ANKRD55: variants seen among roughly 807,000 people sequenced by gnomAD.
ANKRD55 encodes the protein ankyrin repeat domain-containing protein 55.
In ANKRD55, 41 loss-of-function variants were observed where a neutral mutation model predicts 60.6. That is an observed-to-expected ratio of 0.68 (90% confidence interval 0.53 to 0.88). The LOEUF is 0.88. Ranked by LOEUF, ANKRD55 falls within the 40% of genes least tolerant of loss-of-function variation. ANKRD55 has a pLI of 0.00. For synonymous variants in ANKRD55, 264 were observed against 290.3 expected (o/e 0.91, Z 0.92); for missense variants, 732 against 767.6 (o/e 0.95, Z 0.55).
chr5:56,110,667 A>G (rs927319566), intron 10 of ANKRD55: 3 of 185,846 alleles, frequency 1.6e-5, no homozygotes, highest in Non-Finnish European at 3.4e-5. Context: ...TTACCTTTCT[A>G]CATGTGTCCA....
Position 56,232,734 on chromosome 5 carries a change from C to T in ANKRD55, c.58+122G>A, listed in dbSNP as rs1760286856. 4.6e-6 allele frequency: 4 copies of T among 875,674 alleles called. No homozygotes were observed. The East Asian group carries it at 8.1e-5, about 18-fold the overall frequency. 54.2% of individuals were successfully genotyped at this position (875,674 alleles called of 1,614,324 possible). ...CTACATAGCAAATACTCATGCACAC[C>T]CACGCACATGAACACACACACACAC... On this transcript the variant is annotated intron_variant, in intron 2 of 11. Transcript: ENST00000341048.
At chr5:56,210,699 T>C (rs756384878) in intron 2 of ANKRD55, among the ~76,000 whole-genome samples, 23 of 152,272 alleles carry the variant, frequency 1.5e-4, no homozygotes, top group Admixed American at 5.2e-4. Context: ...TAAAAAAATA[T>C]CTTTTCAGCA....
At chr5:56,178,193 C>CTT (rs532357908) in intron 3 of ANKRD55, among the ~76,000 whole-genome samples, 11 of 143,044 alleles carry the variant, frequency 7.7e-5, no homozygotes, top group African/African-American at 1.8e-4. Context: ...TCTTTTCTTT[C>CTT]TTTTTTTTTT....
intron 2 of ANKRD55, among the ~76,000 whole-genome samples, chr5:56,191,261 CAG>C (rs1759087068): frequency 6.6e-6 from 1 of 152,110 alleles, no homozygotes; most frequent in South Asian, 2.1e-4. Context: ...GGGATTTTGA[CAG>C]AGATTATATT....
intron 5 of ANKRD55, among the ~76,000 whole-genome samples, chr5:56,164,914 T>C (rs139043202): frequency 1.3e-5 from 2 of 152,312 alleles, no homozygotes; most frequent in African/African-American, 4.8e-5. Flanking sequence ...TCCATCCCCA[T>C]TGAGCGGGTG....
chr5:56,212,640 C>T (rs1759706364), intron 2 of ANKRD55, among the ~76,000 whole-genome samples: 1 of 152,168 alleles, frequency 6.6e-6, no homozygotes, highest in East Asian at 1.9e-4. Context: ...CCCTCCGCTC[C>T]ATTTAAAGAT....
chr5:56,113,183 TC>T (rs1756786870), intron 9 of ANKRD55, among the ~76,000 whole-genome samples: 1 of 152,170 alleles, frequency 6.6e-6, no homozygotes, highest in Non-Finnish European at 1.5e-5. Flanking sequence ...TGGAGAGGGA[TC>T]CCCGACTTTT....
At chr5:56,119,205 T>C (rs1224065561) in intron 8 of ANKRD55, among the ~76,000 whole-genome samples, 1 of 152,192 alleles carries the variant, frequency 6.6e-6, no homozygotes, top group East Asian at 1.9e-4. Flanking sequence ...AAACTGTGGT[T>C]CATCCTATTC....
chr5:56,217,233 A>C (rs1281806096), intron 2 of ANKRD55, among the ~76,000 whole-genome samples: 1 of 152,252 alleles, frequency 6.6e-6, no homozygotes, highest in Non-Finnish European at 1.5e-5. Context: ...CCTACTATTG[A>C]GACCTACTGG....
At position 56,166,123 on chromosome 5, in the gene ANKRD55, T is replaced by TTTC. The variant is rs1332916886; in HGVS notation, c.422+4568_422+4570dup. ...CTTTCTTTCTTTCTTTCTTTCTTTC[T>TTTC]TTCTTTCTTTCTTTCTTTCTTTCTT... On this transcript the variant is annotated intron_variant, in intron 5 of 11. Transcript: ENST00000341048. Among the ~76,000 whole-genome samples, 89 of 88,602 alleles carry TTTC rather than the reference T, an allele frequency of 1.0e-3. 2 individuals are homozygous for TTTC. Among genetic ancestry groups the TTTC allele is most frequent in the Non-Finnish European group, 1.3e-3 (61 of 45,964 alleles). 58.1% of individuals were successfully genotyped at this position (88,602 alleles called of 152,430 possible). A position where few individuals can be genotyped will look rare whatever the true frequency, so the allele number is the denominator to read the frequency against.
chr5:56,106,294 G>A (rs996938285), intron 10 of ANKRD55, among the ~76,000 whole-genome samples: 7 of 151,858 alleles, frequency 4.6e-5, no homozygotes, highest in African/African-American at 9.7e-5. Flanking sequence ...TTCACATAAA[G>A]TTTCAACTCT....
rs541035147 is a variant in ANKRD55, at chr5:56,219,814, G to C, written c.58+13042C>G. On this transcript the variant is annotated intron_variant, in intron 2 of 11. Transcript: ENST00000341048. ...GTGATGAGTGAGATGTTTGTCTCAT[G>C]CTTGTTTTGTAATAAAAAAACAGCT... is the stretch of plus-strand genomic sequence containing the variant. Among the ~76,000 whole-genome samples, 306 of 152,236 alleles carry C rather than the reference G, an allele frequency of 2.0e-3. 3 individuals carry two copies. Among genetic ancestry groups the C allele is most frequent in the African/African-American group, 7.0e-3 (292 of 41,536 alleles).
chr5:56,232,880 G>C lies in ANKRD55; in HGVS notation c.34C>G (p.Pro12Ala), dbSNP rs1195275051. The change falls in exon 2 of 12, where the codon CCT becomes GCT. Residue 12 changes from proline to alanine, a missense_variant. Coordinates refer to ENST00000341048, the MANE Select transcript of ANKRD55 (RefSeq NM_024669.3). ...CCTCTTTGCTGATCAAACACAGAAG[G>C]GGTGCTGAAATCCATGGTAGCCTGT... is the stretch of plus-strand genomic sequence containing the variant. ...MRQATMDFST[P>A]SVFDQQRGDS... is the part of the protein sequence containing the mutation. 1 of 1,613,986 alleles carries C rather than the reference G, an allele frequency of 6.2e-7. No individual in the cohort carries two copies. The highest frequency in any genetic ancestry group is 1.7e-5 in the Admixed American group (1 of 59,988).
intron 7 of ANKRD55, among the ~76,000 whole-genome samples, chr5:56,140,421 T>G (rs1434134894): frequency 2.0e-5 from 3 of 152,184 alleles, no homozygotes; most frequent in Non-Finnish European, 4.4e-5. Flanking sequence ...TGTTCCTCAT[T>G]GAGGAGGTCA....
Position 56,223,641 on chromosome 5 carries a change from A to G in ANKRD55, c.58+9215T>C, listed in dbSNP as rs188564074. ...ATGCAGAGACACACATAGGCTCAAA[A>G]GAAGATCTACCAAGCAAATGGAAAA... On this transcript the variant is annotated intron_variant, in intron 2 of 11. Coordinates refer to ENST00000341048, the MANE Select transcript of ANKRD55 (RefSeq NM_024669.3). Among the ~76,000 whole-genome samples, 140 of 151,560 alleles carry G rather than the reference A, an allele frequency of 9.2e-4. 3 individuals are homozygous for G. In the Middle Eastern group the frequency reaches 0.027, roughly 29 times the overall value.
intron 6 of ANKRD55, among the ~76,000 whole-genome samples, chr5:56,155,924 A>G (rs947759071): frequency 6.6e-6 from 1 of 151,950 alleles, no homozygotes; most frequent in African/African-American, 2.4e-5. Context: ...ACATACATAT[A>G]TGGATACATA....
intron 2 of ANKRD55, among the ~76,000 whole-genome samples, chr5:56,222,745 G>A (rs111770416): frequency 0.039 from 5,944 of 152,252 alleles, 149 homozygotes; most frequent in African/African-American, 0.073. Flanking sequence ...CTGGAAGAAA[G>A]GGTATCAGTG....
chr5:56,140,260 A>G (rs1288297304), intron 7 of ANKRD55, among the ~76,000 whole-genome samples: 1 of 152,238 alleles, frequency 6.6e-6, no homozygotes, highest in Non-Finnish European at 1.5e-5. Context: ...GGCAAGTGTA[A>G]TAATGATTTC....
intron 2 of ANKRD55, among the ~76,000 whole-genome samples, chr5:56,213,773 G>T (rs1187079090): frequency 6.6e-6 from 1 of 152,222 alleles, no homozygotes; most frequent in Non-Finnish European, 1.5e-5. Flanking sequence ...GGCAGGGAAA[G>T]CAGAAGCACT....
Sources: allele counts gnomAD v4.1 joint callset (sites outside exome capture counted in the v4.1 genomes callset), GRCh38; gene constraint gnomAD v4.1.1; transcripts MANE v1.5; gene names NCBI Gene and HGNC (gene_info 2026-07-23, HGNC 2026-07-21).